Variants in CSNK1G1 observed in about 807,000 individuals in gnomAD.
CSNK1G1 encodes the protein casein kinase 1 gamma 1, also known as casein kinase I isoform gamma-1.
Under a neutral mutation model 59.6 loss-of-function variants are expected in CSNK1G1, and 22 were observed. The ratio of observed to expected loss-of-function variants is 0.37; its 90% CI spans 0.26 to 0.53. CSNK1G1 has a LOEUF of 0.53. Ranked by LOEUF, CSNK1G1 falls within the 20% of genes least tolerant of loss-of-function variation. The pLI, the probability that CSNK1G1 is intolerant of heterozygous loss-of-function variation, is 0.89. For missense variants in CSNK1G1, 384 were observed against 519.5 expected, an observed-to-expected ratio of 0.74 and a Z score of 2.54; for synonymous variants, 179 against 177.1, an observed-to-expected ratio of 1.01 and a Z score of -0.08.
chr15:64,216,439 G>T lies in CSNK1G1; in HGVS notation c.444+123C>A. The T allele has an allele frequency of 1.1e-6, 1 of 920,464 alleles. No individual in the cohort carries two copies. The allele number at this position is 920,464 out of a possible 1,614,324, so 57.0% of individuals were successfully genotyped here. On this transcript the variant is annotated intron_variant, in intron 5 of 11. Transcript: ENST00000303052. The surrounding 1 kb of genome is among the most constrained non-coding windows in gnomAD (Gnocchi z 4.6). ...TTTGCCCCAGCCAGCTTCCCAGAATGCCATCAAGCCTGTGAGTACTAATTC... is the reference window on the plus strand; with the variant it reads ...TTTGCCCCAGCCAGCTTCCCAGAATTCCATCAAGCCTGTGAGTACTAATTC...
intron 1 of CSNK1G1, among the ~76,000 whole-genome samples, chr15:64,352,433 T>A (rs1444220004): frequency 1.4e-5 from 2 of 147,472 alleles, no homozygotes; most frequent in African/African-American, 4.9e-5. Context: ...TCACAAAACA[T>A]AATTTGAATT....
At chr15:64,217,514 G>C (rs1462662813) in intron 4 of CSNK1G1, among the ~76,000 whole-genome samples, 2 of 152,138 alleles carry the variant, frequency 1.3e-5, no homozygotes, top group Non-Finnish European at 2.9e-5. Context: ...CATGAGAATA[G>C]TAGATATTAA....
intron 2 of CSNK1G1, among the ~76,000 whole-genome samples, chr15:64,271,958 G>C (rs1395450263): frequency 6.6e-6 from 1 of 152,066 alleles, no homozygotes; most frequent in Non-Finnish European, 1.5e-5. Flanking sequence ...TATATACTTA[G>C]GATAGTTAGG....
chr15:64,262,597 C>T (rs1892753569), intron 2 of CSNK1G1, among the ~76,000 whole-genome samples: 1 of 152,130 alleles, frequency 6.6e-6, no homozygotes, highest in African/African-American at 2.4e-5. Context: ...AATGCCAGGT[C>T]CCCACTCTGA....
intron 4 of CSNK1G1, among the ~76,000 whole-genome samples, chr15:64,238,662 G>A (rs992811388): frequency 3.3e-5 from 5 of 151,190 alleles, no homozygotes; most frequent in African/African-American, 1.2e-4. Context: ...GTGCCTATTA[G>A]ACTGAGCCCT....
intron 3 of CSNK1G1, among the ~76,000 whole-genome samples, chr15:64,255,807 C>G (rs536127111): frequency 3.9e-4 from 60 of 152,286 alleles, no homozygotes; most frequent in Non-Finnish European, 6.8e-4. Flanking sequence ...GTTGTCTAGT[C>G]TATCCCTCTG....
chr15:64,198,192 CTTTTTTTTT>C (rs893282431), intron 10 of CSNK1G1, among the ~76,000 whole-genome samples: 3 of 110,588 alleles, frequency 2.7e-5, no homozygotes, highest in Admixed American at 1.9e-4. Flanking sequence ...ACAGGATATA[CTTTTTTTTT>C]TTTTTTTTTT....
intron 9 of CSNK1G1, among the ~76,000 whole-genome samples, chr15:64,204,057 C>T (rs2082144987): frequency 1.3e-5 from 2 of 151,716 alleles, no homozygotes; most frequent in African/African-American, 2.4e-5. Flanking sequence ...GCAGGAGAAT[C>T]GCTTGAACTC....
chr15:64,249,998 C>G (rs1891986271), intron 4 of CSNK1G1, among the ~76,000 whole-genome samples: 1 of 152,162 alleles, frequency 6.6e-6, no homozygotes, highest in Admixed American at 6.6e-5. Flanking sequence ...GTTACCTGAC[C>G]CTTGGATTTA....
At chr15:64,301,322 A>G (rs902302565) in intron 1 of CSNK1G1, among the ~76,000 whole-genome samples, 66 of 151,672 alleles carry the variant, frequency 4.4e-4, no homozygotes, top group African/African-American at 1.5e-3. Flanking sequence ...GCAATGACAG[A>G]GTGCCAAAAA....
At chr15:64,274,045 CAAG>C (rs1893470703) in intron 2 of CSNK1G1, among the ~76,000 whole-genome samples, 1 of 152,200 alleles carries the variant, frequency 6.6e-6, no homozygotes, top group Non-Finnish European at 1.5e-5. Flanking sequence ...ATAAGTGAGA[CAAG>C]CCTATGTAAC....
Position 64,189,666 on chromosome 15 carries a change from C to T in CSNK1G1, c.1108-9212G>A, listed in dbSNP as rs965936811. ...TATAAAAGTTGTATTCTATAAAAAACGAAGGGCAAGGAAGTAATGGTTTGA... is the reference window on the plus strand; with the variant it reads ...TATAAAAGTTGTATTCTATAAAAAATGAAGGGCAAGGAAGTAATGGTTTGA... On this transcript the variant is annotated intron_variant, in intron 10 of 11. Transcript: ENST00000303052. Among the ~76,000 whole-genome samples, 14 of 152,102 alleles carry T rather than the reference C, an allele frequency of 9.2e-5. No homozygotes were observed. In the East Asian group the frequency reaches 1.2e-3, roughly 13 times the overall value.
chr15:64,316,601 A>C (rs1223039151), intron 1 of CSNK1G1, among the ~76,000 whole-genome samples: 1 of 151,842 alleles, frequency 6.6e-6, no homozygotes, highest in Non-Finnish European at 1.5e-5. Context: ...TAAAGGGAGG[A>C]GACCACCCCT....
At chr15:64,268,834 G>T (rs1248911582) in intron 2 of CSNK1G1, among the ~76,000 whole-genome samples, 1 of 152,082 alleles carries the variant, frequency 6.6e-6, no homozygotes, top group South Asian at 2.1e-4. Context: ...ACTGGGATAA[G>T]TGGGTTGGAA....
intron 1 of CSNK1G1, among the ~76,000 whole-genome samples, chr15:64,342,352 G>T (rs1212492901): frequency 6.6e-6 from 1 of 152,164 alleles, no homozygotes; most frequent in Non-Finnish European, 1.5e-5. Context: ...CATGCCACTT[G>T]TTATGTAAAC....
At chr15:64,326,539 G>T (rs1013770745) in intron 1 of CSNK1G1, among the ~76,000 whole-genome samples, 1 of 152,008 alleles carries the variant, frequency 6.6e-6, no homozygotes, top group African/African-American at 2.4e-5. Flanking sequence ...AGCCACTCAG[G>T]AGGCCGAAGC....
At chr15:64,275,796 G>A (rs189168101) in intron 2 of CSNK1G1, among the ~76,000 whole-genome samples, 56 of 152,238 alleles carry the variant, frequency 3.7e-4, no homozygotes, top group African/African-American at 1.3e-3. Flanking sequence ...ATTATACTCA[G>A]TAAGGATAAA....
intron 3 of CSNK1G1, among the ~76,000 whole-genome samples, chr15:64,258,335 A>T (rs575833042): frequency 2.5e-4 from 38 of 151,912 alleles, no homozygotes; most frequent in Middle Eastern, 3.4e-3. Context: ...GTGAGCCAAG[A>T]TCACATCACT....
intron 4 of CSNK1G1, among the ~76,000 whole-genome samples, chr15:64,234,436 A>C (rs1029315882): frequency 2.6e-5 from 4 of 152,178 alleles, no homozygotes; most frequent in African/African-American, 9.6e-5. Flanking sequence ...AGACCCCCTC[A>C]AAGTATGAGA....
Sources: allele counts gnomAD v4.1 joint callset (sites outside exome capture counted in the v4.1 genomes callset), GRCh38; gene constraint gnomAD v4.1.1; non-coding constraint Gnocchi (gnomAD v3.1); transcripts MANE v1.5; gene names NCBI Gene and HGNC (gene_info 2026-07-23, HGNC 2026-07-21).